RERE: variants seen among roughly 807,000 people sequenced by gnomAD.
RERE encodes the protein arginine-glutamic acid dipeptide repeats protein.
In RERE, 40 loss-of-function variants were observed where a neutral mutation model predicts 146.1. The observed-to-expected ratio is 0.27, with a 90% CI of 0.21 to 0.36. The LOEUF is 0.36. Among genes scored for constraint, RERE ranks in the 10% least tolerant of loss-of-function variants. The pLI is 1.00. For missense variants in RERE, 1,933 were observed against 2,138.7 expected, an observed-to-expected ratio of 0.90 and a Z score of 1.90; for synonymous variants, 1,003 against 866.0, an observed-to-expected ratio of 1.16 and a Z score of -2.78.
intron 1 of RERE, among the ~76,000 whole-genome samples, chr1:8,773,365 C>T (rs572475075): frequency 1.4e-4 from 22 of 152,246 alleles, no homozygotes; most frequent in Admixed American, 5.9e-4. Context: ...GATATGTCTT[C>T]ATAACAACTC....
At chr1:8,598,043 G>T (rs759563544) in intron 4 of RERE, among the ~76,000 whole-genome samples, 45 of 152,176 alleles carry the variant, frequency 3.0e-4, no homozygotes, top group Middle Eastern at 3.2e-3. Flanking sequence ...GGGGTTGGGG[G>T]AAGCAATATG....
At chr1:8,494,689 A>G (rs551430796) in intron 10 of RERE, among the ~76,000 whole-genome samples, 1 of 152,146 alleles carries the variant, frequency 6.6e-6, no homozygotes, top group African/African-American at 2.4e-5. Context: ...CGCCACTGCC[A>G]GAGCGAGACT....
At chr1:8,493,627 T>A (rs1645006437) in intron 10 of RERE, among the ~76,000 whole-genome samples, 1 of 152,192 alleles carries the variant, frequency 6.6e-6, no homozygotes, top group Non-Finnish European at 1.5e-5. Context: ...ATTTAAGTCA[T>A]CTAGCCGCCT....
chr1:8,789,041 G>A (rs1297704715), intron 1 of RERE, among the ~76,000 whole-genome samples: 1 of 151,826 alleles, frequency 6.6e-6, no homozygotes. Context: ...TGCTCAGGGT[G>A]AGAGGCAAGA....
intron 1 of RERE, among the ~76,000 whole-genome samples, chr1:8,684,156 T>C (rs1024346234): frequency 2.0e-5 from 3 of 152,186 alleles, no homozygotes; most frequent in Non-Finnish European, 4.4e-5. Flanking sequence ...TAATTAAAGA[T>C]AGATACTAAA....
chr1:8,421,707 C>T (rs1643912189), intron 12 of RERE, among the ~76,000 whole-genome samples: 1 of 152,092 alleles, frequency 6.6e-6, no homozygotes. Flanking sequence ...CAGTAAACAA[C>T]ATCCAATTAA....
chr1:8,640,031 T>G (rs559986942), intron 2 of RERE, among the ~76,000 whole-genome samples: 4 of 152,284 alleles, frequency 2.6e-5, no homozygotes, highest in African/African-American at 7.2e-5. Flanking sequence ...TATGCACCTG[T>G]GATCCCAGCT....
At chr1:8,598,765 C>T (rs1646585652) in intron 4 of RERE, among the ~76,000 whole-genome samples, 1 of 152,174 alleles carries the variant, frequency 6.6e-6, no homozygotes, top group African/African-American at 2.4e-5. Flanking sequence ...TGTGAGATTA[C>T]ACTGTTCTTT....
chr1:8,713,988 A>T (rs1639717265), intron 1 of RERE, among the ~76,000 whole-genome samples: 1 of 152,188 alleles, frequency 6.6e-6, no homozygotes, highest in Non-Finnish European at 1.5e-5. Context: ...ATTAAAATAC[A>T]CATAGCACAT....
chr1:8,371,713 G>C (rs1368516425), intron 12 of RERE, among the ~76,000 whole-genome samples: 1 of 152,228 alleles, frequency 6.6e-6, no homozygotes, highest in African/African-American at 2.4e-5. Flanking sequence ...AGGTCTTTAA[G>C]AGCTCCCTCC....
chr1:8,577,415 C>T (rs948484005), intron 4 of RERE, among the ~76,000 whole-genome samples: 3 of 152,072 alleles, frequency 2.0e-5, no homozygotes, highest in Non-Finnish European at 2.9e-5. Context: ...GAACCTGCAT[C>T]AGCCATATAC....
chr1:8,398,534 T>C (rs534169065), intron 12 of RERE, among the ~76,000 whole-genome samples: 2 of 152,364 alleles, frequency 1.3e-5, no homozygotes, highest in South Asian at 4.1e-4. Context: ...TGGCAATTAA[T>C]CACGTAGTGC....
At chr1:8,513,544 C>T (rs114490019) in intron 7 of RERE, among the ~76,000 whole-genome samples, 1,648 of 152,182 alleles carry the variant, frequency 0.011, 27 homozygotes, top group African/African-American at 0.038. Context: ...TCTGGGGGGC[C>T]GAGGTGGGAG....
rs1570036522 is a variant in RERE at position 8,360,879 on chromosome 1, G to A, written c.2628C>T (p.Pro876=). 2 of 1,522,188 alleles carry A rather than the reference G, an allele frequency of 1.3e-6. No homozygotes were observed. The highest frequency in any genetic ancestry group is 2.8e-5 in the African/African-American group (2 of 72,702). 94.3% of individuals were successfully genotyped at this position (1,522,188 alleles called of 1,614,324 possible). ...PGPPQPFGLP[P]QASQGQAPLG... ...GAGGGGCCTGGCCTTGGGAGGCCTGGGGAGGGAGGCCAAAGGGCTGTGGGG... is the reference window on the plus strand; with the variant it reads ...GAGGGGCCTGGCCTTGGGAGGCCTGAGGAGGGAGGCCAAAGGGCTGTGGGG... Residue 876 remains proline (P), a synonymous_variant, in exon 18 of 23, where the codon CCC becomes CCT. Transcript: ENST00000400908.
chr1:8,764,478 T>C (rs1051242513), intron 1 of RERE, among the ~76,000 whole-genome samples: 3 of 152,174 alleles, frequency 2.0e-5, no homozygotes, highest in Admixed American at 6.5e-5. Context: ...GTCAATCCCA[T>C]GCCAAGTATA....
intron 1 of RERE, among the ~76,000 whole-genome samples, chr1:8,797,018 G>A (rs771248746): frequency 6.6e-6 from 1 of 152,028 alleles, no homozygotes; most frequent in Non-Finnish European, 1.5e-5. Context: ...GACAAGGGCT[G>A]TCAGAGGACC....
intron 4 of RERE, among the ~76,000 whole-genome samples, chr1:8,587,733 C>T (rs959269719): frequency 3.3e-5 from 5 of 152,196 alleles, no homozygotes; most frequent in African/African-American, 9.7e-5. Context: ...CCACCACTCT[C>T]TTTACCAAAC....
At chr1:8,478,063 T>A (rs931554655) in intron 10 of RERE, among the ~76,000 whole-genome samples, 4 of 152,208 alleles carry the variant, frequency 2.6e-5, no homozygotes, top group African/African-American at 9.7e-5. Context: ...ACTCTGAGCT[T>A]TAGACACTTA....
intron 4 of RERE, among the ~76,000 whole-genome samples, chr1:8,562,660 G>A (rs1161252528): frequency 6.6e-6 from 1 of 152,062 alleles, no homozygotes; most frequent in Non-Finnish European, 1.5e-5. Context: ...AAATTTTTTT[G>A]TAGAGGTGGA....
Sources: allele counts gnomAD v4.1 joint callset (sites outside exome capture counted in the v4.1 genomes callset), GRCh38; gene constraint gnomAD v4.1.1; transcripts MANE v1.5; gene names NCBI Gene and HGNC (gene_info 2026-07-23, HGNC 2026-07-21).